LRP8: variants seen among roughly 807,000 people sequenced by gnomAD.
The protein encoded by LRP8 is low-density lipoprotein receptor-related protein 8.
LRP8 carries 46 observed loss-of-function variants against 111.6 expected under a neutral mutation model. The observed-to-expected ratio is 0.41, with a 90% CI of 0.33 to 0.53. The LOEUF (loss-of-function observed/expected upper bound fraction) is 0.53. LRP8 is among the 20% of genes least tolerant of loss of function. The pLI, the probability that LRP8 is intolerant of heterozygous loss-of-function variation, is 0.20. For synonymous variants in LRP8, 464 were observed against 511.2 expected (o/e 0.91, Z 1.24); for missense variants, 959 against 1,297.4 (o/e 0.74, Z 4.01).
rs189597284 is a variant in LRP8 at position 53,266,311 on chromosome 1, A to G, written c.1427+162T>C. Reference sequence around the variant, plus strand: ...CCCTCAGACTACTCCAGCCCCAGTAAAGTCCCAGAAGTTCCATATCCACTG... The same window carrying G: ...CCCTCAGACTACTCCAGCCCCAGTAGAGTCCCAGAAGTTCCATATCCACTG... On this transcript the variant is annotated intron_variant, in intron 9 of 18. Coordinates refer to ENST00000306052, the MANE Select transcript of LRP8 (RefSeq NM_004631.5). The surrounding 1 kb of genome is among the most constrained non-coding windows in gnomAD (Gnocchi z 5.0). Among the ~76,000 whole-genome samples the G allele has an allele frequency of 1.3e-5, 2 of 152,212 alleles. No homozygotes were observed. The highest frequency in any genetic ancestry group is 6.5e-5 in the Admixed American group (1 of 15,286).
chr1:53,304,571 G>C (rs1475988924), intron 2 of LRP8: 1 of 152,282 alleles, frequency 6.6e-6, no homozygotes, highest in Non-Finnish European at 1.5e-5. Flanking sequence ...TAATCAAGCA[G>C]CAGGCCAACT....
At chr1:53,323,801 G>A (rs1654813068) in intron 2 of LRP8, among the ~76,000 whole-genome samples, 1 of 152,192 alleles carries the variant, frequency 6.6e-6, no homozygotes, top group Non-Finnish European at 1.5e-5. Flanking sequence ...ACCTCTCCAA[G>A]CCTATGTCCT....
At chr1:53,308,376 T>C (rs1205609195) in intron 2 of LRP8, among the ~76,000 whole-genome samples, 1 of 152,186 alleles carries the variant, frequency 6.6e-6, no homozygotes, top group Non-Finnish European at 1.5e-5. Context: ...CCCCACCTTA[T>C]TCTCTAGGCC....
In LRP8 at chr1:53,286,707, C is replaced by T. The variant is rs563005837; in HGVS notation, c.367+2860G>A. The stretch of plus-strand genomic sequence containing the variant: ...GCCAGCTAGGGACAGACAACATAAT[C>T]GGGGAAAACACAAGAATTGGGACCT... On this transcript the variant is annotated intron_variant, in intron 3 of 18. Transcript: ENST00000306052. 1.8e-4 allele frequency among the ~76,000 whole-genome samples: 28 copies of T among 152,338 alleles called. No individual in the cohort carries two copies. In the South Asian group the frequency reaches 2.5e-3, roughly 14 times the overall value.
intron 3 of LRP8, among the ~76,000 whole-genome samples, chr1:53,284,862 G>A (rs908163489): frequency 1.3e-5 from 2 of 152,188 alleles, no homozygotes; most frequent in Admixed American, 6.5e-5. Context: ...ACATCCCTTG[G>A]AGTGGCAGGA....
chr1:53,315,117 G>A (rs1036796554), intron 2 of LRP8, among the ~76,000 whole-genome samples: 1 of 152,170 alleles, frequency 6.6e-6, no homozygotes, highest in Non-Finnish European at 1.5e-5. Flanking sequence ...ATCTCCTTCT[G>A]CACCCCACCC....
rs755472599 is a variant in LRP8, at chr1:53,264,370, G to A, written c.1454C>T (p.Pro485Leu). The stretch of plus-strand genomic sequence containing the variant: ...GTCAATGAGGACCTCCTGCTCTTTC[G>A]GGTCACTGGCCTTGTCCATGTAGGC... ...YSAYMDKASD[P>L]KEQEVLIDEQ... Residue 485 changes from proline (P) to leucine (L), a missense_variant, in exon 10 of 19, where the codon CCG becomes CTG. Pro to Leu is a moderately conservative substitution (Grantham distance 98, BLOSUM62 -3). Transcript: ENST00000306052. 2.7e-5 allele frequency: 44 copies of A among 1,613,746 alleles called. No individual in the cohort carries two copies. In the East Asian group the frequency reaches 4.0e-4, roughly 15 times the overall value.
intron 15 of LRP8, among the ~76,000 whole-genome samples, chr1:53,255,558 A>G (rs1337664742): frequency 6.6e-6 from 1 of 152,144 alleles, no homozygotes; most frequent in African/African-American, 2.4e-5. Flanking sequence ...TTGCTGATGG[A>G]CTAGGTCATT....
rs1645747546 is a variant in LRP8, at chr1:53,247,043, C to T, written c.2867G>A (p.Ser956Asn). The T allele has an allele frequency of 6.2e-7, 1 of 1,601,566 alleles. No individual in the cohort carries two copies. The highest frequency in any genetic ancestry group is 1.8e-5 in the Admixed American group (1 of 56,608). Reference sequence around the variant, plus strand: ...TCAGGGTAGTCCATCATCTTCAAGGCTTAATGCCACTCGCTGGGGAGACAA... The same window carrying T: ...TCAGGGTAGTCCATCATCTTCAAGGTTTAATGCCACTCGCTGGGGAGACAA... ...PVVKSKRVAL[S>N]LEDDGLP is the part of the protein sequence containing the mutation. Residue 956 changes from serine to asparagine, a missense_variant, in exon 19 of 19, where the codon AGC (serine) becomes AAC (asparagine). Ser to Asn is a conservative substitution (Grantham distance 46, BLOSUM62 1). Transcript: ENST00000306052.
At chr1:53,248,233 A>C (rs533999787) in intron 18 of LRP8, among the ~76,000 whole-genome samples, 1 of 152,308 alleles carries the variant, frequency 6.6e-6, no homozygotes, top group East Asian at 1.9e-4. Context: ...ACTGCCTTTC[A>C]AGTCATCTTT....
At chr1:53,321,059 A>G (rs1186002935) in intron 2 of LRP8, among the ~76,000 whole-genome samples, 1 of 152,226 alleles carries the variant, frequency 6.6e-6, no homozygotes, top group Non-Finnish European at 1.5e-5. Flanking sequence ...GAATTGTCCA[A>G]CGTGGTCCCA....
intron 2 of LRP8, among the ~76,000 whole-genome samples, chr1:53,325,463 G>C (rs542531240): frequency 2.0e-5 from 3 of 152,208 alleles, no homozygotes; most frequent in Admixed American, 1.3e-4. Flanking sequence ...TTCGCTTCTA[G>C]AACTGGTCCT....
chr1:53,274,014 G>A (rs1646841111), intron 6 of LRP8, among the ~76,000 whole-genome samples: 1 of 152,146 alleles, frequency 6.6e-6, no homozygotes, highest in African/African-American at 2.4e-5. Flanking sequence ...AGTCCACACT[G>A]GGTTTCTAGC....
At chr1:53,297,028 T>C (rs915894912) in intron 2 of LRP8, among the ~76,000 whole-genome samples, 1 of 151,204 alleles carries the variant, frequency 6.6e-6, no homozygotes, top group African/African-American at 2.4e-5. Flanking sequence ...TGGATTCAAA[T>C]CCTCCATCGC....
Position 53,294,250 on chromosome 1 carries a change from A to G in LRP8, c.245-4561T>C, listed in dbSNP as rs1245282760. On this transcript the variant is annotated intron_variant, in intron 2 of 18. Coordinates refer to ENST00000306052, the MANE Select transcript of LRP8 (RefSeq NM_004631.5). This position sits in a 1 kb window ranked among gnomAD's most constrained non-coding sequence, Gnocchi z 4.1. ...ATAGTCAACCAGGGTCTGCGACATC[A>G]TAATCTGGTGCCATGGCAACAGATG... 6.6e-6 allele frequency among the ~76,000 whole-genome samples: 1 copy of G among 152,184 alleles called. No homozygotes were observed. The highest frequency in any genetic ancestry group is 1.5e-5 in the Non-Finnish European group (1 of 68,028).
chr1:53,282,251 C>T (rs1188915772), intron 3 of LRP8, among the ~76,000 whole-genome samples: 3 of 152,190 alleles, frequency 2.0e-5, no homozygotes, highest in Non-Finnish European at 4.4e-5. Context: ...AGGTCCCCAA[C>T]GTTATCCCTA....
At chr1:53,321,161 G>C (rs561824585) in intron 2 of LRP8, among the ~76,000 whole-genome samples, 13 of 152,344 alleles carry the variant, frequency 8.5e-5, no homozygotes, top group East Asian at 3.9e-4. Flanking sequence ...GGCTGGCGGA[G>C]TGCACAATGT....
intron 3 of LRP8, chr1:53,288,046 G>A (rs1002358): frequency 0.75 from 114,308 of 151,946 alleles, 45,874 homozygotes; most frequent in Non-Finnish European, 0.9. Context: ...AGCCCCCTCT[G>A]ATAACCACGA....
chr1:53,304,097 G>A (rs1651502676), intron 2 of LRP8, among the ~76,000 whole-genome samples: 1 of 152,204 alleles, frequency 6.6e-6, no homozygotes, highest in African/African-American at 2.4e-5. Flanking sequence ...AACTTGCTGA[G>A]CGATAAAGGA....
Sources: gnomAD v4.1 joint callset for allele counts (sites outside exome capture counted in the v4.1 genomes callset) on GRCh38, gnomAD v4.1.1 for gene constraint, Gnocchi (gnomAD v3.1) non-coding constraint, MANE v1.5 for transcripts, NCBI Gene and HGNC (gene_info 2026-07-23, HGNC 2026-07-21) for gene names.